MNAT1: variants seen among roughly 807,000 people sequenced by gnomAD.
MNAT1 encodes the protein MNAT1 component of CDK activating kinase, also known as CDK-activating kinase assembly factor MAT1.
Under a neutral mutation model 42.0 loss-of-function variants are expected in MNAT1, and 43 were observed. The ratio of observed to expected loss-of-function variants is 1.02; its 90% CI spans 0.80 to 1.32. The LOEUF is 1.32. Among genes scored for constraint, MNAT1 ranks in the 40% most tolerant of loss-of-function variants. The probability of loss-of-function intolerance (pLI) is 0.00; values close to 1 mark genes in which losing one functional copy is unlikely to be tolerated. For synonymous variants in MNAT1, 118 were observed against 120.0 expected, an observed-to-expected ratio of 0.98 and a Z score of 0.11; for missense variants, 306 against 350.4, an observed-to-expected ratio of 0.87 and a Z score of 1.01.
At chr14:60,755,555 GCTAGTCA>G (rs1296830233) in intron 1 of MNAT1, among the ~76,000 whole-genome samples, 1 of 152,188 alleles carries the variant, frequency 6.6e-6, no homozygotes, top group African/African-American at 2.4e-5. Context: ...GGGATTGTAG[GCTAGTCA>G]CTGCACACAG....
At chr14:60,841,643 T>C (rs183815301) in intron 6 of MNAT1, among the ~76,000 whole-genome samples, 4 of 152,344 alleles carry the variant, frequency 2.6e-5, no homozygotes, top group African/African-American at 7.2e-5. Flanking sequence ...GATTTTTTTT[T>C]CCTGAAGTGC....
intron 7 of MNAT1, among the ~76,000 whole-genome samples, chr14:60,914,174 G>C (rs946493193): frequency 8.6e-5 from 13 of 151,640 alleles, no homozygotes; most frequent in Non-Finnish European, 1.9e-4. Context: ...CCTGTTGGAA[G>C]AGCGCAGTAT....
Position 60,947,045 on chromosome 14 carries a change from G to A in MNAT1, c.810-21184G>A, listed in dbSNP as rs180761154. 8.9e-4 allele frequency among the ~76,000 whole-genome samples: 135 copies of A among 152,122 alleles called. No individual in the cohort carries two copies. In the Middle Eastern group the frequency reaches 0.01, roughly 11 times the overall value. On this transcript the variant is annotated intron_variant, in intron 7 of 7. Coordinates refer to ENST00000261245, the MANE Select transcript of MNAT1 (RefSeq NM_002431.4). Reference sequence around the variant, plus strand: ...ATATAGTCATGAAGGCTCCACCCTCGTGAATTCATGTAAACCTGAATGCCT... The same window carrying A: ...ATATAGTCATGAAGGCTCCACCCTCATGAATTCATGTAAACCTGAATGCCT...
intron 7 of MNAT1, among the ~76,000 whole-genome samples, chr14:60,939,697 A>G (rs1339526223): frequency 6.6e-6 from 1 of 152,166 alleles, no homozygotes. Context: ...GCTGAAAAGA[A>G]TGTATATTCT....
At chr14:60,882,557 T>G (rs1313216446) in intron 7 of MNAT1, among the ~76,000 whole-genome samples, 1 of 152,204 alleles carries the variant, frequency 6.6e-6, no homozygotes, top group Non-Finnish European at 1.5e-5. Flanking sequence ...AGTGCAGATG[T>G]CATTTTGAAA....
intron 7 of MNAT1, among the ~76,000 whole-genome samples, chr14:60,890,606 CT>C (rs2034818420): frequency 6.6e-6 from 1 of 152,208 alleles, no homozygotes; most frequent in African/African-American, 2.4e-5. Context: ...AGCCTTCAGT[CT>C]GTGGCCGAAG....
In MNAT1 at chr14:60,803,914, ACT is replaced by A. The variant is rs531457760; in HGVS notation, c.317-4408_317-4407del. Among the ~76,000 whole-genome samples, 232 of 152,110 alleles carry A rather than the reference ACT, an allele frequency of 1.5e-3. 1 individual carries two copies. Among genetic ancestry groups the A allele is most frequent in the African/African-American group, 4.9e-3 (205 of 41,488 alleles). On this transcript the variant is annotated intron_variant, in intron 3 of 7. Transcript: ENST00000261245. ...GACTTTCTTATGGCATTAACAATAG[ACT>A]CTTTTCTGTGGTTATGACAATCTAT...
chr14:60,777,915 A>G (rs1221116858), intron 1 of MNAT1, among the ~76,000 whole-genome samples: 4 of 152,204 alleles, frequency 2.6e-5, no homozygotes, highest in African/African-American at 9.6e-5. Context: ...GGTTATGCTT[A>G]GTTGGCTGAA....
At chr14:60,891,517 T>G (rs753242173) in intron 7 of MNAT1, among the ~76,000 whole-genome samples, 17 of 152,036 alleles carry the variant, frequency 1.1e-4, no homozygotes, top group Non-Finnish European at 1.9e-4. Context: ...AGTGGCATGA[T>G]TCAGCTAACT....
chr14:60,875,087 A>T (rs1307442723), intron 6 of MNAT1, among the ~76,000 whole-genome samples: 1 of 152,112 alleles, frequency 6.6e-6, no homozygotes, highest in African/African-American at 2.4e-5. Context: ...CAGAACTACC[A>T]CTGAGTAATG....
At chr14:60,939,902 G>A (rs1313560532) in intron 7 of MNAT1, among the ~76,000 whole-genome samples, 1 of 152,158 alleles carries the variant, frequency 6.6e-6, no homozygotes, top group Non-Finnish European at 1.5e-5. Context: ...CGTGCTTTAT[G>A]AATCTGGGTG....
chr14:60,763,152 T>C (rs1391334122), intron 1 of MNAT1, among the ~76,000 whole-genome samples: 1 of 152,204 alleles, frequency 6.6e-6, no homozygotes, highest in Non-Finnish European at 1.5e-5. Flanking sequence ...CGTAGGGAGT[T>C]AATTTACACA....
intron 6 of MNAT1, among the ~76,000 whole-genome samples, chr14:60,860,354 C>CTTTTTTTTTTTTTT (rs11409940): frequency 7.8e-6 from 1 of 128,676 alleles, no homozygotes; most frequent in African/African-American, 2.9e-5. Context: ...TTTTTCTTTT[C>CTTTTTTTTTTTTTT]TTTTTTTTTT....
chr14:60,952,601 A>G (rs1019207217), intron 7 of MNAT1, among the ~76,000 whole-genome samples: 1 of 152,194 alleles, frequency 6.6e-6, no homozygotes, highest in Non-Finnish European at 1.5e-5. Flanking sequence ...CCCAGTGAGG[A>G]TGCTGAAACT....
chr14:60,879,644 A>C (rs1173548867), intron 6 of MNAT1, 70 bp from the exon 7 acceptor site: 1 of 1,433,736 alleles, frequency 7.0e-7, no homozygotes, highest in Non-Finnish European at 9.5e-7. Context: ...TCATCTTTAA[A>C]ATGATTATAA....
intron 1 of MNAT1, among the ~76,000 whole-genome samples, chr14:60,778,190 C>T (rs2031320408): frequency 6.6e-6 from 1 of 152,152 alleles, no homozygotes; most frequent in African/African-American, 2.4e-5. Flanking sequence ...ACATTGAAAT[C>T]TGGGGACCTA....
intron 1 of MNAT1, among the ~76,000 whole-genome samples, chr14:60,767,535 C>T (rs990923923): frequency 5.9e-5 from 9 of 151,438 alleles, no homozygotes; most frequent in African/African-American, 2.2e-4. Flanking sequence ...GAGACCCTTC[C>T]GGGTTTTCTA....
chr14:60,913,397 G>T (rs868250400), intron 7 of MNAT1, among the ~76,000 whole-genome samples: 1 of 152,176 alleles, frequency 6.6e-6, no homozygotes, highest in African/African-American at 2.4e-5. Context: ...GAGGAGGAGA[G>T]GCGCTCTGAT....
intron 3 of MNAT1, among the ~76,000 whole-genome samples, chr14:60,806,608 T>C (rs560153898): frequency 8.5e-5 from 13 of 152,296 alleles, no homozygotes; most frequent in Admixed American, 5.2e-4. Context: ...CGCGGGTGGA[T>C]CACTTGAGGC....
Sources: gnomAD v4.1 joint callset for allele counts (sites outside exome capture counted in the v4.1 genomes callset) on GRCh38, gnomAD v4.1.1 for gene constraint, MANE v1.5 for transcripts, NCBI Gene and HGNC (gene_info 2026-07-23, HGNC 2026-07-21) for gene names.